The following SPAG16 variants were observed in gnomAD, a reference collection of about 807,000 sequenced individuals.
SPAG16 encodes the protein sperm associated antigen 16.
SPAG16 carries 86 observed loss-of-function variants against 80.4 expected under a neutral mutation model. That is an observed-to-expected ratio of 1.07 (90% CI 0.90 to 1.28). The LOEUF (loss-of-function observed/expected upper bound fraction) is 1.28. Among genes scored for constraint, SPAG16 ranks in the 50% most tolerant of loss-of-function variants. SPAG16 has a pLI of 0.00. For synonymous variants in SPAG16, 294 were observed against 265.9 expected (o/e 1.11, Z -1.03); for missense variants, 870 against 765.3 (o/e 1.14, Z -1.61).
chr2:213,577,562 A>C (rs1681025798), intron 10 of SPAG16, among the ~76,000 whole-genome samples: 1 of 152,184 alleles, frequency 6.6e-6, no homozygotes. Context: ...TGGGGCTTCT[A>C]AAAAATAGAG....
At chr2:213,928,088 C>T (rs1490619764) in intron 11 of SPAG16, among the ~76,000 whole-genome samples, 1 of 151,990 alleles carries the variant, frequency 6.6e-6, no homozygotes, top group South Asian at 2.1e-4. Flanking sequence ...ATCTTCTCTT[C>T]TCTTCTCTTT....
chr2:214,147,359 A>T (rs1279073866), intron 14 of SPAG16, among the ~76,000 whole-genome samples: 3 of 152,156 alleles, frequency 2.0e-5, no homozygotes, highest in African/African-American at 7.2e-5. Flanking sequence ...TCAAATTTTA[A>T]TATTCAATGG....
At chr2:213,511,276 T>C (rs1438288466) in intron 10 of SPAG16, among the ~76,000 whole-genome samples, 1 of 152,126 alleles carries the variant, frequency 6.6e-6, no homozygotes, top group East Asian at 1.9e-4. Context: ...ACTAGATTCT[T>C]TGAGCTAGGA....
At chr2:214,066,411 GT>G (rs778589813) in intron 13 of SPAG16, among the ~76,000 whole-genome samples, 13 of 152,240 alleles carry the variant, frequency 8.5e-5, no homozygotes, top group Middle Eastern at 3.4e-3. Context: ...GTTTCATGAT[GT>G]TTTTCCTAGT....
Position 214,277,267 on chromosome 2 carries a change from G to A in SPAG16, c.1720+128001G>A, listed in dbSNP as rs573945898. 1.1e-4 allele frequency among the ~76,000 whole-genome samples: 16 copies of A among 152,086 alleles called. 1 individual carries two copies. Among genetic ancestry groups the A allele is most frequent in the African/African-American group, 2.9e-4 (12 of 41,496 alleles). On this transcript the variant is annotated intron_variant, in intron 15 of 15. Transcript: ENST00000331683. ...TTAGCTCCTTTAGCTTGTTATTACC[G>A]ACCTTCTGAAGCCTAGTTCCGTCAA...
At chr2:213,593,668 A>G (rs1021614175) in intron 10 of SPAG16, among the ~76,000 whole-genome samples, 7 of 141,648 alleles carry the variant, frequency 4.9e-5, no homozygotes, top group Non-Finnish European at 1.0e-4. Context: ...TTTCTAGGTC[A>G]TCATCCTCTT....
Position 214,014,079 on chromosome 2 carries a change from T to C in SPAG16, c.1527+2T>C, listed in dbSNP as rs763690329. ...CTGTCTATATGGGATGCAAGAACAG[T>C]AAGCAAATCATTCACTTTTTTTCCC... On this transcript the variant is annotated splice_donor_variant, in intron 13 of 15. Coordinates refer to ENST00000331683, the MANE Select transcript of SPAG16 (RefSeq NM_024532.5). LOFTEE classifies it high-confidence loss of function. The C allele has an allele frequency of 6.2e-7, 1 of 1,611,938 alleles. No individual in the cohort carries two copies. Among genetic ancestry groups the C allele is most frequent in the Non-Finnish European group, 8.5e-7 (1 of 1,179,286 alleles).
chr2:214,028,873 A>G (rs1367481576), intron 13 of SPAG16, among the ~76,000 whole-genome samples: 2 of 152,144 alleles, frequency 1.3e-5, no homozygotes, highest in Non-Finnish European at 2.9e-5. Context: ...TGAATGTAAT[A>G]CAATCAATCA....
intron 15 of SPAG16, among the ~76,000 whole-genome samples, chr2:214,246,290 C>A (rs963346046): frequency 6.6e-6 from 1 of 152,112 alleles, no homozygotes; most frequent in Admixed American, 6.6e-5. Context: ...ATTGTATTTT[C>A]CAAAGTTGGC....
At chr2:214,283,389 T>G (rs539752765) in intron 15 of SPAG16, among the ~76,000 whole-genome samples, 65 of 152,256 alleles carry the variant, frequency 4.3e-4, no homozygotes, top group African/African-American at 1.6e-3. Flanking sequence ...CAGCCCCATA[T>G]TAGCACTGTA....
intron 11 of SPAG16, among the ~76,000 whole-genome samples, chr2:213,894,796 C>T (rs1205219231): frequency 6.6e-6 from 1 of 151,624 alleles, no homozygotes; most frequent in Non-Finnish European, 1.5e-5. Context: ...TGAGACCATC[C>T]TGGCTAACAT....
intron 5 of SPAG16, among the ~76,000 whole-genome samples, chr2:213,319,475 T>C (rs898936645): frequency 2.6e-5 from 4 of 151,988 alleles, no homozygotes; most frequent in Non-Finnish European, 5.9e-5. Flanking sequence ...GTATGATGAT[T>C]CAGAAGAATA....
At chr2:214,094,189 T>C (rs2052424542) in intron 13 of SPAG16, among the ~76,000 whole-genome samples, 1 of 152,124 alleles carries the variant, frequency 6.6e-6, no homozygotes, top group Non-Finnish European at 1.5e-5. Flanking sequence ...CATGGCAGTT[T>C]GCAAATGCTA....
chr2:213,404,098 G>A (rs2068477309), intron 9 of SPAG16, among the ~76,000 whole-genome samples: 2 of 152,058 alleles, frequency 1.3e-5, no homozygotes, highest in Admixed American at 6.6e-5. Flanking sequence ...CTCATGGGTA[G>A]GAAGAATCAA....
intron 9 of SPAG16, among the ~76,000 whole-genome samples, chr2:213,427,758 TA>T (rs1305816455): frequency 1.3e-5 from 2 of 152,252 alleles, no homozygotes; most frequent in African/African-American, 4.8e-5. Context: ...ATTATAAGGA[TA>T]TTTTCCATCA....
At chr2:213,696,934 C>T (rs2065179342) in intron 10 of SPAG16, among the ~76,000 whole-genome samples, 1 of 152,094 alleles carries the variant, frequency 6.6e-6, no homozygotes, top group Admixed American at 6.5e-5. Context: ...TGGGAAGATT[C>T]TAGAATATGT....
chr2:213,772,564 C>A (rs892115981), intron 10 of SPAG16, among the ~76,000 whole-genome samples: 1 of 152,058 alleles, frequency 6.6e-6, no homozygotes, highest in African/African-American at 2.4e-5. Flanking sequence ...AAGAGTACTA[C>A]TATATATATG....
At chr2:213,399,594 A>G (rs1385625433) in intron 9 of SPAG16, among the ~76,000 whole-genome samples, 2 of 151,992 alleles carry the variant, frequency 1.3e-5, no homozygotes, top group Admixed American at 6.5e-5. Context: ...GCTTACTTCT[A>G]GTTTATGAAT....
intron 14 of SPAG16, among the ~76,000 whole-genome samples, chr2:214,126,487 T>A (rs2216486): frequency 0.29 from 43,347 of 151,434 alleles, 6,600 homozygotes; most frequent in East Asian, 0.46. Context: ...AATCTTGGTA[T>A]TGTAAACATT....
Sources: gnomAD v4.1 joint callset for allele counts (sites outside exome capture counted in the v4.1 genomes callset) on GRCh38, gnomAD v4.1.1 for gene constraint, MANE v1.5 for transcripts, NCBI Gene and HGNC (gene_info 2026-07-23, HGNC 2026-07-21) for gene names.